Variants in AGO4 observed in about 807,000 individuals in gnomAD.
AGO4 encodes protein argonaute-4.
In AGO4, 33 loss-of-function variants were observed where a neutral mutation model predicts 104.7. The ratio of observed to expected loss-of-function variants is 0.32; its 90% CI spans 0.24 to 0.42. The LOEUF (loss-of-function observed/expected upper bound fraction) is 0.42. AGO4 is among the 10% of genes least tolerant of loss of function. AGO4 has a pLI of 1.00. For missense variants in AGO4, 711 were observed against 1,083.4 expected (o/e 0.66, Z 4.83); for synonymous variants, 331 against 364.7 (o/e 0.91, Z 1.05).
intron 2 of AGO4, 61 bp from the exon 3 acceptor site, chr1:35,822,801 T>C (rs1007908888): frequency 1.0e-5 from 16 of 1,595,784 alleles, no homozygotes; most frequent in Non-Finnish European, 1.4e-5. Context: ...AGTATGATGA[T>C]GCTTTTCTTA....
chr1:35,843,755 A>G (rs897757734), intron 15 of AGO4, among the ~76,000 whole-genome samples: 1 of 152,202 alleles, frequency 6.6e-6, no homozygotes, highest in Non-Finnish European at 1.5e-5. Context: ...CTTCTCCTTA[A>G]CTGTTGTCAT....
intron 17 of AGO4, among the ~76,000 whole-genome samples, chr1:35,853,113 T>C (rs1384998048): frequency 6.6e-6 from 1 of 151,480 alleles, no homozygotes; most frequent in African/African-American, 2.4e-5. Context: ...CAGCCGGGTG[T>C]GGTGGCGGGC....
chr1:35,822,343 C>T (rs1227436584), intron 2 of AGO4, among the ~76,000 whole-genome samples: 14 of 152,154 alleles, frequency 9.2e-5, no homozygotes. Context: ...ACAACCTCCG[C>T]TTCCCAGGTT....
intron 15 of AGO4, among the ~76,000 whole-genome samples, chr1:35,847,480 T>C (rs1278793869): frequency 6.6e-6 from 1 of 152,144 alleles, no homozygotes; most frequent in Non-Finnish European, 1.5e-5. Flanking sequence ...GTAATCTGCC[T>C]GCCTTGGCCT....
At chr1:35,827,632 G>T (rs1323754483) in intron 7 of AGO4, among the ~76,000 whole-genome samples, 2 of 152,018 alleles carry the variant, frequency 1.3e-5, no homozygotes, top group East Asian at 1.9e-4. Context: ...TTTGGTAGAG[G>T]TATTTATAAA....
At chr1:35,850,814 G>GA (rs751273801) in intron 16 of AGO4, 40 bp from the exon 17 acceptor site, 196 of 1,097,326 alleles carry the variant, frequency 1.8e-4, no homozygotes, top group South Asian at 6.1e-4. Flanking sequence ...AACAAAAAAC[G>GA]AACAAAAAAA....
In AGO4 at chr1:35,808,901, C is replaced by A. The variant is rs1268640553; in HGVS notation, c.19+466C>A. On this transcript the variant is annotated intron_variant, in intron 1 of 17. Coordinates refer to ENST00000373210, the MANE Select transcript of AGO4 (RefSeq NM_017629.4). The surrounding 1 kb of genome is among the most constrained non-coding windows in gnomAD (Gnocchi z 5.2). Reference sequence around the variant, plus strand: ...GCACTGGCAGATGGTCCAGAGCCTTCAGATGAGGAAGAAGAACTTCATCCA... The same window carrying A: ...GCACTGGCAGATGGTCCAGAGCCTTAAGATGAGGAAGAAGAACTTCATCCA... 6.6e-6 allele frequency among the ~76,000 whole-genome samples: 1 copy of A among 152,220 alleles called. No individual in the cohort carries two copies. The highest frequency in any genetic ancestry group is 1.5e-5 in the Non-Finnish European group (1 of 68,042).
At chr1:35,829,704 G>T (rs971184652) in intron 7 of AGO4, among the ~76,000 whole-genome samples, 2 of 151,606 alleles carry the variant, frequency 1.3e-5, no homozygotes, top group African/African-American at 4.8e-5. Flanking sequence ...GGGCATGGTG[G>T]CAGGCATGGT....
chr1:35,845,491 G>A (rs979907857), intron 15 of AGO4, among the ~76,000 whole-genome samples: 1 of 151,978 alleles, frequency 6.6e-6, no homozygotes, highest in Non-Finnish European at 1.5e-5. Context: ...ACAGATGTCA[G>A]CCACTGTGCC....
In AGO4 at chr1:35,841,742, A is replaced by G; in HGVS notation, c.2167A>G (p.Thr723Ala). The G allele has an allele frequency of 1.9e-6, 3 of 1,613,722 alleles. No homozygotes were observed. The highest frequency in any genetic ancestry group is 2.5e-6 in the Non-Finnish European group (3 of 1,179,868). ...HHTRLFCADK[T>A]ERVGKSGNVP... ...CACACGACTCTTCTGTGCAGATAAA[A>G]CAGAAAGGGTAAGAAGATATAATAT... The change falls in exon 15 of 18, where the codon ACA becomes GCA. Residue 723 changes from threonine to alanine, a missense_variant. This residue lies in a region of AGO4 where 401 missense variants were observed against 665.5 expected (regional missense o/e 0.60). Coordinates refer to ENST00000373210, the MANE Select transcript of AGO4 (RefSeq NM_017629.4). The surrounding 1 kb of genome is among the most constrained non-coding windows in gnomAD (Gnocchi z 4.7).
intron 12 of AGO4, 80 bp downstream of exon 12, chr1:35,834,254 A>G: frequency 1.6e-6 from 2 of 1,239,328 alleles, no homozygotes; most frequent in Non-Finnish European, 2.1e-6. Context: ...GTTATGCTGC[A>G]GTCACAAACC....
At position 35,857,003 on chromosome 1, in the gene AGO4, T is replaced by C. The variant is rs1226333557; in HGVS notation, c.*3398T>C. 1 of 152,192 alleles carries C rather than the reference T, an allele frequency of 6.6e-6. No individual in the cohort carries two copies. The highest frequency in any genetic ancestry group is 1.5e-5 in the Non-Finnish European group (1 of 68,034). 9.4% of individuals were successfully genotyped at this position (152,192 alleles called of 1,614,324 possible). On this transcript the variant is annotated 3_prime_UTR_variant, in exon 18 of 18. Transcript: ENST00000373210. ...ATATTCATTCTTACTGTAAATTCTA[T>C]TTGCTGCTTCCAAAGGTGATGATTT...
intron 2 of AGO4, among the ~76,000 whole-genome samples, 158 bp from the exon 3 acceptor site, chr1:35,822,699 CTTTAG>C (rs1643912689): frequency 6.6e-6 from 1 of 152,184 alleles, no homozygotes; most frequent in East Asian, 1.9e-4. Flanking sequence ...TGCTACCTTT[CTTTAG>C]TTAACTATTT....
chr1:35,818,658 A>AG (rs1473921474), intron 2 of AGO4, among the ~76,000 whole-genome samples: 2 of 61,512 alleles, frequency 3.3e-5, no homozygotes, highest in Non-Finnish European at 8.3e-5. Flanking sequence ...AGAAAGAAAG[A>AG]AAGGAAGAAA....
At chr1:35,853,012 A>T (rs1373865074) in intron 17 of AGO4, among the ~76,000 whole-genome samples, 1 of 152,186 alleles carries the variant, frequency 6.6e-6, no homozygotes, top group African/African-American at 2.4e-5. Flanking sequence ...GCACTTTGGG[A>T]GGCCGAGGCA....
chr1:35,839,340 C>A (rs1437487374), intron 13 of AGO4, among the ~76,000 whole-genome samples: 1 of 152,118 alleles, frequency 6.6e-6, no homozygotes, highest in African/African-American at 2.4e-5. Context: ...GGAAGTTAAC[C>A]TAAAGTCTGT....
chr1:35,816,854 C>G lies in AGO4; in HGVS notation c.20-28C>G, dbSNP rs780305795. 18 of 1,470,176 alleles carry G rather than the reference C, an allele frequency of 1.2e-5. No homozygotes were observed. In the South Asian group the frequency reaches 2.5e-4, roughly 20 times the overall value. The allele number at this position is 1,470,176 out of a possible 1,614,324, so 91.1% of individuals were successfully genotyped here. On this transcript the variant is annotated intron_variant, in intron 1 of 17. Coordinates refer to ENST00000373210, the MANE Select transcript of AGO4 (RefSeq NM_017629.4). Reference sequence around the variant, plus strand: ...AGAAAGAAAAAGAAAAAAAAAATAGCACAGCAAATGTCTTTCAATCTCTTT... The same window carrying G: ...AGAAAGAAAAAGAAAAAAAAAATAGGACAGCAAATGTCTTTCAATCTCTTT...
chr1:35,818,658 A>AAAGAAAGAAAGAAAGAAAGAAAGAAAGG (rs1553144552), intron 2 of AGO4, among the ~76,000 whole-genome samples: 3 of 61,570 alleles, frequency 4.9e-5, no homozygotes, highest in Non-Finnish European at 8.3e-5. Context: ...AGAAAGAAAG[A>AAAGAAAGAAAGAAAGAAAGAAAGAAAGG]AAGGAAGAAA....
At chr1:35,816,530 G>C (rs564526974) in intron 1 of AGO4, among the ~76,000 whole-genome samples, 1 of 152,112 alleles carries the variant, frequency 6.6e-6, no homozygotes, top group Non-Finnish European at 1.5e-5. Context: ...GCCAGGTGCG[G>C]TGGCTCACGC....
Sources: gnomAD v4.1 joint callset for allele counts (sites outside exome capture counted in the v4.1 genomes callset) on GRCh38, gnomAD v4.1.1 for gene constraint, gnomAD v4.1.1 regional missense constraint, Gnocchi (gnomAD v3.1) non-coding constraint, MANE v1.5 for transcripts, NCBI Gene and HGNC (gene_info 2026-07-23, HGNC 2026-07-21) for gene names.